RNF24: variants seen among roughly 807,000 people sequenced by gnomAD.
The protein encoded by RNF24 is ring finger protein 24.
A neutral mutation model predicts 20.0 loss-of-function variants in RNF24; 14 were observed. The ratio of observed to expected loss-of-function variants is 0.70; its 90% CI spans 0.46 to 1.10. RNF24 has a LOEUF of 1.10. Among genes scored for constraint, RNF24 ranks in the 50% least tolerant of loss-of-function variants. The pLI is 0.00. For missense variants in RNF24, 124 were observed against 177.6 expected, an observed-to-expected ratio of 0.70 and a Z score of 1.71; for synonymous variants, 45 against 61.1, an observed-to-expected ratio of 0.74 and a Z score of 1.23.
intron 1 of RNF24, among the ~76,000 whole-genome samples, chr20:4,011,192 C>G (rs1026496962): frequency 1.3e-5 from 2 of 152,164 alleles, no homozygotes; most frequent in African/African-American, 4.8e-5. Flanking sequence ...AATAGTGACA[C>G]TGGAAGCTAA....
chr20:3,980,013 T>C (rs1979249493), intron 1 of RNF24, among the ~76,000 whole-genome samples: 1 of 151,872 alleles, frequency 6.6e-6, no homozygotes, highest in Admixed American at 6.6e-5. Flanking sequence ...AACAAAACAA[T>C]GAAAGGAATT....
At chr20:3,985,473 T>A (rs903200897) in intron 1 of RNF24, among the ~76,000 whole-genome samples, 6 of 152,106 alleles carry the variant, frequency 3.9e-5, no homozygotes, top group Non-Finnish European at 7.4e-5. Flanking sequence ...TTACTGACAA[T>A]TCCAATTTCT....
chr20:3,947,306 G>T (rs2146960135), intron 3 of RNF24, among the ~76,000 whole-genome samples: 1 of 152,288 alleles, frequency 6.6e-6, no homozygotes, highest in South Asian at 2.1e-4. Flanking sequence ...CAAGAAGAAA[G>T]CTAAGGGTAA....
intron 1 of RNF24, among the ~76,000 whole-genome samples, chr20:4,014,739 GCACACACACACACACA>G (rs146278311): frequency 2.3e-4 from 33 of 143,780 alleles, no homozygotes; most frequent in Middle Eastern, 3.5e-3. Context: ...ACTTGAATGC[GCACACACACACACACA>G]CACACACACA....
intron 3 of RNF24, 28 bp downstream of exon 3, chr20:3,948,209 C>A: frequency 6.5e-7 from 1 of 1,541,196 alleles, no homozygotes; most frequent in Non-Finnish European, 8.8e-7. Context: ...AAAAAAAAAT[C>A]AAAGCCAATC....
chr20:3,953,698 G>A (rs1272965534), intron 2 of RNF24, among the ~76,000 whole-genome samples: 2 of 148,732 alleles, frequency 1.3e-5, no homozygotes, highest in South Asian at 2.1e-4. Flanking sequence ...TCCTGACCTC[G>A]TGATCTGTCT....
Position 4,010,218 on chromosome 20 carries a change from C to T in RNF24, c.-8+5219G>A, listed in dbSNP as rs544386597. ...TGAAACCCCGTCTCCACCAGAAATA[C>T]AAAAATTAGCTGGACATGGTGGCGC... On this transcript the variant is annotated intron_variant, in intron 1 of 5. Transcript: ENST00000358395. Among the ~76,000 whole-genome samples the T allele has an allele frequency of 2.0e-5, 3 of 151,646 alleles. No homozygotes were observed. In the South Asian group the frequency reaches 6.2e-4, roughly 32 times the overall value.
intron 4 of RNF24, among the ~76,000 whole-genome samples, chr20:3,936,566 A>T (rs910813722): frequency 8.5e-5 from 13 of 152,192 alleles, no homozygotes; most frequent in African/African-American, 3.1e-4. Context: ...AAAGGTAAAA[A>T]TCCAGCAGTT....
At chr20:4,002,352 C>T (rs551877399) in intron 1 of RNF24, among the ~76,000 whole-genome samples, 43 of 152,270 alleles carry the variant, frequency 2.8e-4, no homozygotes, top group African/African-American at 9.6e-4. Context: ...TGCCACTGCA[C>T]TCCAGCCTGG....
At chr20:4,011,851 A>T (rs1398533493) in intron 1 of RNF24, among the ~76,000 whole-genome samples, 3 of 152,234 alleles carry the variant, frequency 2.0e-5, no homozygotes, top group Non-Finnish European at 4.4e-5. Context: ...TGAGACAGTT[A>T]AGTCTTCAAC....
Position 3,965,931 on chromosome 20 carries a change from C to T in RNF24, c.-7-1907G>A, listed in dbSNP as rs564901217. ...GGTGGATCACCTGAGGTTAGGAGTT[C>T]GAGACCAGCCTGGCCAACATGGCGA... On this transcript the variant is annotated intron_variant, in intron 1 of 5. Transcript: ENST00000358395. Among the ~76,000 whole-genome samples, 258 of 152,064 alleles carry T rather than the reference C, an allele frequency of 1.7e-3. 1 individual carries two copies. Among genetic ancestry groups the T allele is most frequent in the African/African-American group, 5.9e-3 (243 of 41,476 alleles).
Position 3,933,973 on chromosome 20 carries a change from A to T in RNF24, c.*90T>A. 2 of 1,254,276 alleles carry T rather than the reference A, an allele frequency of 1.6e-6. No homozygotes were observed. The highest frequency in any genetic ancestry group is 1.0e-6 in the Non-Finnish European group (1 of 956,190). The allele number at this position is 1,254,276 out of a possible 1,614,324, so 77.7% of individuals were successfully genotyped here. ...CAAAAGAAGTGGCAGCTGGTGTCCT[A>T]GGTAGAGAGCAGCCATACAGACACC... On this transcript the variant is annotated 3_prime_UTR_variant, in exon 6 of 6. Transcript: ENST00000358395.
intron 3 of RNF24, among the ~76,000 whole-genome samples, chr20:3,945,737 G>C (rs1472854996): frequency 6.8e-6 from 1 of 146,970 alleles, no homozygotes; most frequent in Non-Finnish European, 1.5e-5. Flanking sequence ...AAAAAAGTAA[G>C]TCAATCTTAA....
At chr20:3,974,171 A>G (rs116387111) in intron 1 of RNF24, among the ~76,000 whole-genome samples, 2,133 of 152,208 alleles carry the variant, frequency 0.014, 44 homozygotes, top group African/African-American at 0.049. Context: ...AAACATCAGC[A>G]CCCAGAAATT....
intron 2 of RNF24, among the ~76,000 whole-genome samples, chr20:3,954,459 C>G (rs1348015362): frequency 6.6e-6 from 1 of 152,106 alleles, no homozygotes; most frequent in Non-Finnish European, 1.5e-5. Context: ...TATGTACATA[C>G]AATTATCCAT....
rs541656813 is a variant in RNF24 at position 3,928,716 on chromosome 20, C to G, written c.*5347G>C. ...TGGGCCAAGATCGTGCCACTGCATT[C>G]CAGCCTGGGTGACAGAGCGAGACTC... is the stretch of plus-strand genomic sequence containing the variant. On this transcript the variant is annotated 3_prime_UTR_variant, in exon 6 of 6. Coordinates refer to ENST00000358395, the MANE Select transcript of RNF24 (RefSeq NM_001134337.3). 2.0e-3 allele frequency: 242 copies of G among 120,612 alleles called. No homozygotes were observed. Among genetic ancestry groups the G allele is most frequent in the African/African-American group, 7.3e-3 (237 of 32,472 alleles). The allele number at this position is 120,612 out of a possible 1,614,324, so 7.5% of individuals were successfully genotyped here.
At chr20:4,014,320 G>T (rs1982699911) in intron 1 of RNF24, among the ~76,000 whole-genome samples, 2 of 152,316 alleles carry the variant, frequency 1.3e-5, no homozygotes, top group African/African-American at 4.8e-5. Flanking sequence ...TTAACACAGG[G>T]AGGCAGAAAG....
chr20:3,945,300 C>T (rs550873179), intron 3 of RNF24, 82 bp from the exon 4 acceptor site: 836 of 1,337,912 alleles, frequency 6.2e-4, no homozygotes, highest in Admixed American at 1.1e-3. Context: ...AAATATTTTT[C>T]TTTTGTATAT....
chr20:3,935,131 A>C, intron 4 of RNF24, 58 bp from the exon 5 acceptor site: 1 of 1,447,788 alleles, frequency 6.9e-7, no homozygotes, highest in Admixed American at 1.7e-5. Flanking sequence ...CCCAGGTACA[A>C]AGTAGAGTGC....
Sources: gnomAD v4.1 joint callset for allele counts (sites outside exome capture counted in the v4.1 genomes callset) on GRCh38, gnomAD v4.1.1 for gene constraint, MANE v1.5 for transcripts, NCBI Gene and HGNC (gene_info 2026-07-23, HGNC 2026-07-21) for gene names.